Variants in PCDHGB2 observed in about 807,000 individuals in gnomAD.
The protein encoded by PCDHGB2 is protocadherin gamma subfamily B, 2.
PCDHGB2 carries 55 observed loss-of-function variants against 59.3 expected under a neutral mutation model. That is an observed-to-expected ratio of 0.93 (90% confidence interval 0.75 to 1.16). The LOEUF (loss-of-function observed/expected upper bound fraction) is 1.16. PCDHGB2 is among the 50% of genes most tolerant of loss of function. PCDHGB2 has a pLI of 0.00. For synonymous variants in PCDHGB2, 516 were observed against 512.0 expected (o/e 1.01, Z -0.11); for missense variants, 1,228 against 1,198.5 (o/e 1.02, Z -0.36).
chr5:141,458,619 G>T (rs1393941674), intron 1 of PCDHGB2, among the ~76,000 whole-genome samples: 1 of 152,080 alleles, frequency 6.6e-6, no homozygotes, highest in South Asian at 2.1e-4. Context: ...AGCCAGGCTG[G>T]AGTGCAGTGG....
At chr5:141,394,800 G>A in intron 1 of PCDHGB2, 1 of 1,613,850 alleles carries the variant, frequency 6.2e-7, no homozygotes, top group East Asian at 2.2e-5. Context: ...GCTCACCGTA[G>A]CCGTGGCTGA....
At chr5:141,421,206 G>A in intron 1 of PCDHGB2, 1 of 1,531,730 alleles carries the variant, frequency 6.5e-7, no homozygotes, top group Non-Finnish European at 8.8e-7. Context: ...AGAAACCGCG[G>A]AATATCGGCT....
rs771411620 is a variant in PCDHGB2, at chr5:141,485,551, G to A, written c.2422-9256G>A. ...GAGCAGAGGTAGAGATCGTAGATGT[G>A]AATGATCACGCCCCCCGTTTTCCGC... On this transcript the variant is annotated intron_variant, in intron 1 of 3. Transcript: ENST00000522605. This position sits in a 1 kb window ranked among gnomAD's most constrained non-coding sequence, Gnocchi z 5.7. 1.9e-6 allele frequency: 3 copies of A among 1,613,958 alleles called. No individual in the cohort carries two copies. Among genetic ancestry groups the A allele is most frequent in the Admixed American group, 1.7e-5 (1 of 60,006 alleles).
intron 1 of PCDHGB2, chr5:141,423,297 C>T: frequency 1.9e-6 from 3 of 1,614,170 alleles, no homozygotes; most frequent in South Asian, 1.1e-5. Flanking sequence ...CCTCAGACCT[C>T]TCGCTGTACT....
intron 1 of PCDHGB2, chr5:141,364,541 A>C: frequency 6.2e-7 from 1 of 1,614,130 alleles, no homozygotes; most frequent in African/African-American, 1.3e-5. Flanking sequence ...CTCCAGAGGT[A>C]GGACGCAGCT....
At chr5:141,422,871 G>C in intron 1 of PCDHGB2, 3 of 1,614,216 alleles carry the variant, frequency 1.9e-6, no homozygotes, top group South Asian at 1.1e-5. Flanking sequence ...GCAACGTGTC[G>C]CTGAGCCTGT....
intron 1 of PCDHGB2, chr5:141,399,076 G>A (rs767415619): frequency 1.2e-6 from 2 of 1,613,850 alleles, no homozygotes; most frequent in Non-Finnish European, 1.7e-6. Flanking sequence ...GGTTGTAGAA[G>A]GGAGGGATGG....
intron 2 of PCDHGB2, among the ~76,000 whole-genome samples, chr5:141,502,866 C>CTCTTTTTTT (rs1554188502): frequency 7.8e-6 from 1 of 128,046 alleles, no homozygotes; most frequent in African/African-American, 3.1e-5. Context: ...GACTCTCTGT[C>CTCTTTTTTT]TTTTTTTTTT....
chr5:141,398,942 G>C (rs748252181), intron 1 of PCDHGB2: 1 of 1,613,766 alleles, frequency 6.2e-7, no homozygotes, highest in Non-Finnish European at 8.5e-7. Context: ...CAAGACGAGG[G>C]CATCAACTCA....
chr5:141,426,630 T>C, intron 1 of PCDHGB2: 1 of 398,080 alleles, frequency 2.5e-6, no homozygotes, highest in South Asian at 1.8e-5. Context: ...TCTAAATGTT[T>C]TTCACATAAA....
Position 141,486,000 on chromosome 5 carries a change from A to G in PCDHGB2, c.2422-8807A>G. 1 of 1,614,194 alleles carries G rather than the reference A, an allele frequency of 6.2e-7. No individual in the cohort carries two copies. Among genetic ancestry groups the G allele is most frequent in the Non-Finnish European group, 8.5e-7 (1 of 1,180,034 alleles). On this transcript the variant is annotated intron_variant, in intron 1 of 3. Transcript: ENST00000522605. The surrounding 1 kb of genome is among the most constrained non-coding windows in gnomAD (Gnocchi z 5.7). ...GACCCGGACCTGGGTCCCAGTGGTA[A>G]CGTCACCTTTTATTTCAGTGGTCAT...
chr5:141,436,167 G>A (rs933669166), intron 1 of PCDHGB2, among the ~76,000 whole-genome samples: 2 of 152,088 alleles, frequency 1.3e-5, no homozygotes, highest in Non-Finnish European at 2.9e-5. Flanking sequence ...CATATGGACA[G>A]TTCTCATATA....
At chr5:141,456,912 G>A (rs566842808) in intron 1 of PCDHGB2, among the ~76,000 whole-genome samples, 2 of 152,206 alleles carry the variant, frequency 1.3e-5, no homozygotes, top group South Asian at 2.1e-4. Context: ...GCAGTGAGCC[G>A]AGATCGCACC....
At chr5:141,422,166 T>A (rs370704205) in intron 1 of PCDHGB2, 1 of 1,569,256 alleles carries the variant, frequency 6.4e-7, no homozygotes, top group African/African-American at 1.4e-5. Context: ...TTGAAAAATA[T>A]AGATTCTATG....
At chr5:141,398,989 T>G (rs766277028) in intron 1 of PCDHGB2, 2 of 1,613,796 alleles carry the variant, frequency 1.2e-6, no homozygotes, top group Non-Finnish European at 1.7e-6. Flanking sequence ...CGGGCAAATC[T>G]TTAGTCTGAA....
intron 1 of PCDHGB2, chr5:141,422,646 C>T (rs748692494): frequency 5.0e-6 from 8 of 1,611,836 alleles, no homozygotes; most frequent in Non-Finnish European, 6.8e-6. Flanking sequence ...CCTCCATCTT[C>T]TCAGTGACCG....
intron 1 of PCDHGB2, chr5:141,366,730 CAAAG>C: frequency 1.9e-6 from 3 of 1,613,020 alleles, no homozygotes; most frequent in Non-Finnish European, 2.5e-6. Flanking sequence ...TAGATGCAAA[CAAAG>C]AAGAACGGCG....
intron 1 of PCDHGB2, chr5:141,371,021 C>T (rs1767401708): frequency 1.2e-6 from 2 of 1,614,026 alleles, no homozygotes; most frequent in South Asian, 2.2e-5. Flanking sequence ...CACATCACCA[C>T]CTGGTCCTCA....
At position 141,360,388 on chromosome 5, in the gene PCDHGB2, C is replaced by T; in HGVS notation, c.253C>T (p.Leu85Phe). ...FTVNPESGDL[L>F]VSDRIDREQI... ...AGTAAACCCAGAAAGCGGAGACTTA[C>T]TTGTGAGTGACAGAATAGACCGAGA... Residue 85 changes from leucine to phenylalanine, a missense_variant, in exon 1 of 4, where the codon CTT becomes TTT. Physicochemically the swap from Leu to Phe is conservative, Grantham distance 22 (BLOSUM62 0). This residue lies in a region of PCDHGB2 where 781 missense variants were observed against 721.6 expected (regional missense o/e 1.08). Coordinates refer to ENST00000522605, the MANE Select transcript of PCDHGB2 (RefSeq NM_018923.3). The T allele has an allele frequency of 1.9e-6, 3 of 1,613,908 alleles. No individual in the cohort carries two copies. Among genetic ancestry groups the T allele is most frequent in the Non-Finnish European group, 2.5e-6 (3 of 1,179,830 alleles).
Sources: gnomAD v4.1 joint callset for allele counts (sites outside exome capture counted in the v4.1 genomes callset) on GRCh38, gnomAD v4.1.1 for gene constraint, gnomAD v4.1.1 regional missense constraint, Gnocchi (gnomAD v3.1) non-coding constraint, MANE v1.5 for transcripts, NCBI Gene and HGNC (gene_info 2026-07-23, HGNC 2026-07-21) for gene names.